The following METTL8 variants were observed in gnomAD, a reference collection of about 807,000 sequenced individuals.
METTL8 encodes tRNA N(3)-cytidine methyltransferase METTL8, mitochondrial.
In METTL8, 32 loss-of-function variants were observed where a neutral mutation model predicts 48.7. The observed-to-expected ratio is 0.66, with a 90% confidence interval of 0.50 to 0.88. The LOEUF (loss-of-function observed/expected upper bound fraction) is 0.88, where lower values mean the gene tolerates loss of function less well. Ranked by LOEUF, METTL8 falls within the 40% of genes least tolerant of loss-of-function variation. METTL8 has a pLI of 0.00. For missense variants in METTL8, 464 were observed against 474.4 expected (o/e 0.98, Z 0.20); for synonymous variants, 136 against 157.1 (o/e 0.87, Z 1.01).
At chr2:171,346,186 G>A (rs574965737) in intron 3 of METTL8, among the ~76,000 whole-genome samples, 2 of 152,010 alleles carry the variant, frequency 1.3e-5, no homozygotes, top group South Asian at 2.1e-4. Flanking sequence ...GCACAACCAC[G>A]CCTGGTTAAC....
At position 171,316,521 on chromosome 2, in the gene METTL8, A is replaced by C. The variant is rs979500335; in HGVS notation, c.*7651T>G. Among the ~76,000 whole-genome samples, 1 of 152,346 alleles carries C rather than the reference A, an allele frequency of 6.6e-6. No individual in the cohort carries two copies. Among genetic ancestry groups the C allele is most frequent in the East Asian group, 1.9e-4 (1 of 5,192 alleles). ...GATTATAATGAAGCTTTGTCTCACTAATCTCCAGAGCCCAGGTGTTCTATT... is the reference window on the plus strand; with the variant it reads ...GATTATAATGAAGCTTTGTCTCACTCATCTCCAGAGCCCAGGTGTTCTATT... On this transcript the variant is annotated 3_prime_UTR_variant, in exon 10 of 10. Coordinates refer to ENST00000375258, the MANE Select transcript of METTL8 (RefSeq NM_001321154.2).
intron 1 of METTL8, among the ~76,000 whole-genome samples, chr2:171,415,659 C>CT (rs1206410119): frequency 1.3e-5 from 2 of 151,904 alleles, no homozygotes; most frequent in Non-Finnish European, 2.9e-5. Flanking sequence ...CTAAAATATT[C>CT]TTTTTTCTAT....
intron 1 of METTL8, among the ~76,000 whole-genome samples, chr2:171,422,352 C>T (rs2105658792): frequency 1.3e-5 from 2 of 152,264 alleles, no homozygotes; most frequent in East Asian, 3.9e-4. Context: ...TCATCACTGA[C>T]TGAAGACTTA....
At chr2:171,384,930 T>C (rs1359705569) in intron 2 of METTL8, among the ~76,000 whole-genome samples, 2 of 152,104 alleles carry the variant, frequency 1.3e-5, no homozygotes, top group Non-Finnish European at 2.9e-5. Context: ...GGCAAATCTT[T>C]CTCAGCATAT....
chr2:171,411,013 A>G (rs1690696826), intron 1 of METTL8, among the ~76,000 whole-genome samples: 1 of 152,230 alleles, frequency 6.6e-6, no homozygotes, highest in Admixed American at 6.5e-5. Flanking sequence ...TTTAAATGGA[A>G]CATATACAGT....
At chr2:171,367,346 T>C (rs1685832289) in intron 2 of METTL8, among the ~76,000 whole-genome samples, 2 of 152,044 alleles carry the variant, frequency 1.3e-5, no homozygotes. Flanking sequence ...ACAATCATAA[T>C]GAAGGCAAGA....
At chr2:171,375,778 G>C (rs1686901764) in intron 2 of METTL8, among the ~76,000 whole-genome samples, 1 of 152,132 alleles carries the variant, frequency 6.6e-6, no homozygotes, top group East Asian at 1.9e-4. Context: ...AAATAATTAT[G>C]CTGAGTAAGA....
intron 1 of METTL8, among the ~76,000 whole-genome samples, chr2:171,397,058 G>C (rs772991447): frequency 1.3e-4 from 19 of 150,988 alleles, no homozygotes; most frequent in Non-Finnish European, 2.7e-4. Context: ...CTAGGCTCAA[G>C]GGATCCTCCC....
chr2:171,419,212 G>A (rs570977841), intron 1 of METTL8, among the ~76,000 whole-genome samples: 1 of 152,212 alleles, frequency 6.6e-6, no homozygotes, highest in African/African-American at 2.4e-5. Flanking sequence ...CTGGGCACCA[G>A]GTGTGTTCCT....
chr2:171,331,160 GA>G (rs2105398057), intron 6 of METTL8, among the ~76,000 whole-genome samples: 1 of 152,274 alleles, frequency 6.6e-6, no homozygotes, highest in Admixed American at 6.5e-5. Flanking sequence ...CACCAGCATG[GA>G]GTGCAGTGGC....
At chr2:171,402,538 A>G (rs1289584066) in intron 1 of METTL8, among the ~76,000 whole-genome samples, 1 of 152,140 alleles carries the variant, frequency 6.6e-6, no homozygotes, top group East Asian at 1.9e-4. Flanking sequence ...ATTTGTATGC[A>G]CTCATATTTA....
chr2:171,392,093 C>A lies in METTL8; in HGVS notation c.93G>T (p.Leu31=). The A allele has an allele frequency of 6.4e-7, 1 of 1,551,650 alleles. No homozygotes were observed. ...CTGGGTCAGTTAAAATCCTTGATCC[C>A]AGAGGGGCCACTGGGTGGTAACCAC... The part of the protein sequence containing the change: ...YQSGYHPVAP[L]GSRILTDPAK... Residue 31 remains leucine (L), a synonymous_variant, in exon 2 of 10, where the codon CTG becomes CTT. Transcript: ENST00000375258.
intron 3 of METTL8, among the ~76,000 whole-genome samples, chr2:171,345,555 C>G (rs1399176201): frequency 6.6e-6 from 1 of 152,132 alleles, no homozygotes; most frequent in Non-Finnish European, 1.5e-5. Context: ...GCAAAGCCAA[C>G]TTATAAACAA....
intron 2 of METTL8, among the ~76,000 whole-genome samples, chr2:171,380,117 C>A (rs1226492726): frequency 6.6e-6 from 1 of 152,170 alleles, no homozygotes; most frequent in Non-Finnish European, 1.5e-5. Flanking sequence ...TAAGCATAAT[C>A]CATCACATAA....
intron 2 of METTL8, among the ~76,000 whole-genome samples, chr2:171,361,396 C>T (rs1685156585): frequency 6.6e-6 from 1 of 152,036 alleles, no homozygotes; most frequent in African/African-American, 2.4e-5. Context: ...ACCCCTAACA[C>T]TATTATCATA....
intron 1 of METTL8, among the ~76,000 whole-genome samples, chr2:171,405,759 G>GA (rs1247096220): frequency 6.6e-6 from 1 of 152,146 alleles, no homozygotes; most frequent in East Asian, 1.9e-4. Flanking sequence ...TAAGTACACA[G>GA]AAAACACATC....
At chr2:171,408,420 G>A (rs1376223820) in intron 1 of METTL8, among the ~76,000 whole-genome samples, 5 of 151,116 alleles carry the variant, frequency 3.3e-5, no homozygotes, top group African/African-American at 4.9e-5. Flanking sequence ...TCAGCCTCCC[G>A]AGTAGCTGGG....
chr2:171,358,955 A>G (rs1435512254), intron 3 of METTL8, among the ~76,000 whole-genome samples: 1 of 152,124 alleles, frequency 6.6e-6, no homozygotes, highest in East Asian at 1.9e-4. Flanking sequence ...TATATTAAGG[A>G]GCTCAAACAA....
chr2:171,432,911 A>G (rs1388762774), intron 1 of METTL8: 2 of 152,252 alleles, frequency 1.3e-5, no homozygotes, highest in Admixed American at 6.5e-5. Context: ...TCACAAAAAC[A>G]TCACCAAACT....
Sources: gnomAD v4.1 joint callset for allele counts (sites outside exome capture counted in the v4.1 genomes callset) on GRCh38, gnomAD v4.1.1 for gene constraint, MANE v1.5 for transcripts, NCBI Gene and HGNC (gene_info 2026-07-23, HGNC 2026-07-21) for gene names.